Variants in NXN observed in about 807,000 individuals in gnomAD.
The protein encoded by NXN is nucleoredoxin 1.
NXN carries 16 observed loss-of-function variants against 48.6 expected under a neutral mutation model. That is an observed-to-expected ratio of 0.33 (90% CI 0.22 to 0.50). The LOEUF (loss-of-function observed/expected upper bound fraction) is 0.50, where lower values mean the gene tolerates loss of function less well. NXN is among the 20% of genes least tolerant of loss of function. The pLI is 0.98. For synonymous variants in NXN, 281 were observed against 269.6 expected, an observed-to-expected ratio of 1.04 and a Z score of -0.41; for missense variants, 492 against 605.5, an observed-to-expected ratio of 0.81 and a Z score of 1.97.
rs1009940861 is a variant in NXN at position 804,044 on chromosome 17, T to C, written c.1001-238A>G. The C allele has an allele frequency of 1.3e-5, 7 of 539,002 alleles. No individual in the cohort carries two copies. The African/African-American group carries it at 1.3e-4, about 10-fold the overall frequency. 33.4% of individuals were successfully genotyped at this position (539,002 alleles called of 1,614,324 possible). A position where few individuals can be genotyped will look rare whatever the true frequency, so the allele number is the denominator to read the frequency against. ...TGCACCGGGCTCCCCAGGAGGAACCTGCCTCACTGAGCAGCTCTGCTCTCC... is the reference window on the plus strand; with the variant it reads ...TGCACCGGGCTCCCCAGGAGGAACCCGCCTCACTGAGCAGCTCTGCTCTCC... On this transcript the variant is annotated intron_variant, in intron 6 of 7. Coordinates refer to ENST00000336868, the MANE Select transcript of NXN (RefSeq NM_022463.5).
chr17:810,272 C>A (rs1212596448), intron 5 of NXN, among the ~76,000 whole-genome samples: 1 of 124,514 alleles, frequency 8.0e-6, no homozygotes, highest in Non-Finnish European at 1.7e-5. Flanking sequence ...GTGCACGTTA[C>A]GAGTCTGTGA....
rs142775331 is a variant in NXN at position 865,972 on chromosome 17, G to C, written c.361-39894C>G. 9.0e-3 allele frequency among the ~76,000 whole-genome samples: 1,366 copies of C among 151,386 alleles called. 19 individuals carry two copies. Among genetic ancestry groups the C allele is most frequent in the African/African-American group, 0.031 (1,263 of 41,222 alleles). On this transcript the variant is annotated intron_variant, in intron 1 of 7. Coordinates refer to ENST00000336868, the MANE Select transcript of NXN (RefSeq NM_022463.5). ...CACTCCAGCCTGGGCGACAGAGCAAGACTCTATCTCAAAAAAAAAGAAAAA... is the reference window on the plus strand; with the variant it reads ...CACTCCAGCCTGGGCGACAGAGCAACACTCTATCTCAAAAAAAAAGAAAAA...
At chr17:954,903 G>C (rs1488741255) in intron 1 of NXN, among the ~76,000 whole-genome samples, 1 of 152,160 alleles carries the variant, frequency 6.6e-6, no homozygotes, top group Non-Finnish European at 1.5e-5. Context: ...CCCCTCTTAA[G>C]AGCTCTGAGC....
chr17:812,000 T>C (rs994478424), intron 5 of NXN, among the ~76,000 whole-genome samples: 1 of 136,548 alleles, frequency 7.3e-6, no homozygotes, highest in Admixed American at 8.4e-5. Flanking sequence ...AGATCTCGGC[T>C]CACTGCAAGC....
chr17:813,013 GGTT>G (rs913655760), intron 5 of NXN, among the ~76,000 whole-genome samples: 1 of 152,146 alleles, frequency 6.6e-6, no homozygotes, highest in African/African-American at 2.4e-5. Context: ...CATGTGTGTA[GGTT>G]GTGTGCACGC....
At chr17:951,173 CT>C (rs202133510) in intron 1 of NXN, among the ~76,000 whole-genome samples, 25,742 of 37,292 alleles carry the variant, frequency 0.69, 8,929 homozygotes, top group Middle Eastern at 0.75. Context: ...CCTGTCTCTA[CT>C]TAAAAAAAAA....
Position 822,270 on chromosome 17 carries a change from ACT to A in NXN, c.713+85_713+86del, listed in dbSNP as rs1912858153. ...CTCCAGCCTGGGAGACAAGAGCAAG[ACT>A]CTGTCTCAGAAAAAAAAGAAAAGAA... is the stretch of plus-strand genomic sequence containing the variant. On this transcript the variant is annotated intron_variant, in intron 4 of 7. Coordinates refer to ENST00000336868, the MANE Select transcript of NXN (RefSeq NM_022463.5). The A allele has an allele frequency of 3.2e-6, 3 of 928,316 alleles. No homozygotes were observed. In the East Asian group the frequency reaches 7.5e-5, roughly 23 times the overall value. The allele number at this position is 928,316 out of a possible 1,614,324, so 57.5% of individuals were successfully genotyped here.
At chr17:913,020 A>G (rs2068651962) in intron 1 of NXN, among the ~76,000 whole-genome samples, 1 of 152,296 alleles carries the variant, frequency 6.6e-6, no homozygotes, top group East Asian at 1.9e-4. Context: ...TTTCTCTGTC[A>G]TATACGTTGG....
intron 1 of NXN, among the ~76,000 whole-genome samples, chr17:887,291 A>G (rs17681503): frequency 5.9e-5 from 9 of 152,134 alleles, no homozygotes; most frequent in Admixed American, 2.6e-4. Context: ...GCAAGTGGCC[A>G]CAGCGACGAA....
chr17:804,027 G>T, intron 6 of NXN: 1 of 575,090 alleles, frequency 1.7e-6, no homozygotes, highest in Non-Finnish European at 3.1e-6. Flanking sequence ...CCTGCACCGG[G>T]CTCCCCAGGA....
At chr17:915,885 C>CCCTAAAATGGGCAGCCACTT (rs1468143906) in intron 1 of NXN, among the ~76,000 whole-genome samples, 5 of 151,626 alleles carry the variant, frequency 3.3e-5, no homozygotes, top group South Asian at 2.1e-4. Flanking sequence ...CTGGAACTTC[C>CCCTAAAATGGGCAGCCACTT]AGCTGCTCCC....
chr17:848,183 G>A (rs1010217561), intron 1 of NXN, among the ~76,000 whole-genome samples: 10 of 151,718 alleles, frequency 6.6e-5, no homozygotes, highest in Non-Finnish European at 8.8e-5. Flanking sequence ...TGTCGCCCAC[G>A]CTGGAGTGCA....
chr17:908,430 G>C (rs1375284408), intron 1 of NXN, among the ~76,000 whole-genome samples: 1 of 152,006 alleles, frequency 6.6e-6, no homozygotes, highest in African/African-American at 2.4e-5. Flanking sequence ...CAGCTACTTG[G>C]GAGGCTGAGG....
At chr17:912,406 T>C (rs1389723581) in intron 1 of NXN, among the ~76,000 whole-genome samples, 1 of 152,036 alleles carries the variant, frequency 6.6e-6, no homozygotes, top group Non-Finnish European at 1.5e-5. Context: ...TTTAACTGTG[T>C]TAAAACACTG....
In NXN at chr17:805,095, C is replaced by T. The variant is rs1231435913; in HGVS notation, c.973G>A (p.Glu325Lys). The change falls in exon 6 of 8, where the codon GAG becomes AAG. Residue 325 changes from glutamate (E) to lysine (K), a missense_variant. By Grantham distance (56) the Glu-to-Lys change is moderately conservative. Around this residue, in one of 3 missense-constraint regions of NXN, gnomAD observed 303 missense variants for 388.3 expected, o/e 0.78. Coordinates refer to ENST00000336868, the MANE Select transcript of NXN (RefSeq NM_022463.5). ...ACAAAAAGGACGAGGCAGGGGCCCT[C>T]GTTAAGCTGCGCGGCGTTGGAGTCG... ...LSDSNAAQLN[E>K]GPCLVLFVDS... 6.2e-7 allele frequency: 1 copy of T among 1,606,962 alleles called. No homozygotes were observed. Among genetic ancestry groups the T allele is most frequent in the Non-Finnish European group, 8.5e-7 (1 of 1,177,456 alleles).
intron 1 of NXN, among the ~76,000 whole-genome samples, chr17:971,138 G>A (rs533319969): frequency 6.6e-6 from 1 of 151,770 alleles, no homozygotes; most frequent in Non-Finnish European, 1.5e-5. Context: ...TAGAGACAGG[G>A]TTTCTCCACA....
intron 1 of NXN, among the ~76,000 whole-genome samples, chr17:944,657 A>C (rs1187260117): frequency 6.6e-6 from 1 of 152,190 alleles, no homozygotes; most frequent in Non-Finnish European, 1.5e-5. Context: ...AGCCGGTAGG[A>C]GGAGGGCGGA....
chr17:900,663 G>A (rs1002805306), intron 1 of NXN, among the ~76,000 whole-genome samples: 4 of 152,130 alleles, frequency 2.6e-5, no homozygotes, highest in Admixed American at 2.0e-4. Context: ...TTACCACTGG[G>A]ACTGGCCCTA....
intron 1 of NXN, among the ~76,000 whole-genome samples, chr17:973,184 GGGAGATGAGTA>G (rs2069412110): frequency 6.6e-6 from 1 of 152,182 alleles, no homozygotes; most frequent in Non-Finnish European, 1.5e-5. Context: ...GCTGCTAACT[GGGAGATGAGTA>G]CCAAACCAGC....
Sources: gnomAD v4.1 joint callset for allele counts (sites outside exome capture counted in the v4.1 genomes callset) on GRCh38, gnomAD v4.1.1 for gene constraint, gnomAD v4.1.1 regional missense constraint, MANE v1.5 for transcripts, NCBI Gene and HGNC (gene_info 2026-07-23, HGNC 2026-07-21) for gene names.